The following NSUN6 variants were observed in gnomAD, a reference collection of about 807,000 sequenced individuals.
NSUN6 encodes the protein NOP2/Sun RNA methyltransferase 6, also known as tRNA (cytosine(72)-C(5))-methyltransferase NSUN6.
Under a neutral mutation model 58.0 loss-of-function variants are expected in NSUN6, and 64 were observed. That is an observed-to-expected ratio of 1.10 (90% CI 0.90 to 1.36). The LOEUF is 1.36. Among genes scored for constraint, NSUN6 ranks in the 40% most tolerant of loss-of-function variants. NSUN6 has a pLI of 0.00. For missense variants in NSUN6, 701 were observed against 550.1 expected, an observed-to-expected ratio of 1.27 and a Z score of -2.74; for synonymous variants, 231 against 193.9, an observed-to-expected ratio of 1.19 and a Z score of -1.59.
chr10:18,573,666 G>T (rs888950623), intron 8 of NSUN6, among the ~76,000 whole-genome samples: 6 of 152,140 alleles, frequency 3.9e-5, no homozygotes, highest in African/African-American at 1.4e-4. Flanking sequence ...GAAGGTAACT[G>T]ACTTCTCTAC....
intron 8 of NSUN6, among the ~76,000 whole-genome samples, chr10:18,566,879 C>T (rs1206579411): frequency 2.0e-5 from 3 of 150,446 alleles, no homozygotes; most frequent in Non-Finnish European, 3.0e-5. Context: ...TCCATTCATT[C>T]CATTCTCCAT....
chr10:18,580,820 C>A (rs1257028639), intron 8 of NSUN6, among the ~76,000 whole-genome samples: 1 of 152,190 alleles, frequency 6.6e-6, no homozygotes, highest in Non-Finnish European at 1.5e-5. Flanking sequence ...AGGAGTAACT[C>A]TGTTTGGGTC....
chr10:18,635,375 T>G (rs983556810), intron 3 of NSUN6, among the ~76,000 whole-genome samples: 1 of 152,200 alleles, frequency 6.6e-6, no homozygotes, highest in Non-Finnish European at 1.5e-5. Flanking sequence ...TCACTAAACC[T>G]GAGGGCTGTC....
intron 7 of NSUN6, among the ~76,000 whole-genome samples, chr10:18,590,277 C>A (rs1265323888): frequency 6.6e-6 from 1 of 152,134 alleles, no homozygotes; most frequent in African/African-American, 2.4e-5. Flanking sequence ...TAGAGACCTA[C>A]AAAGAGACTT....
At position 18,651,420 on chromosome 10, in the gene NSUN6, A is replaced by G. The variant is rs1161047312; in HGVS notation, c.-217T>C. The G allele has an allele frequency of 2.4e-6, 3 of 1,243,864 alleles. No homozygotes were observed. Among genetic ancestry groups the G allele is most frequent in the African/African-American group, 1.6e-5 (1 of 64,068 alleles). 77.1% of individuals were successfully genotyped at this position (1,243,864 alleles called of 1,614,324 possible). On this transcript the variant is annotated 5_prime_UTR_variant, in exon 1 of 11. Coordinates refer to ENST00000377304, the MANE Select transcript of NSUN6 (RefSeq NM_182543.5). ...GCCGGGCTTCCACCACACCTCATCG[A>G]GGCAATGTTTTCTGGTAGAGATGCT...
chr10:18,614,631 T>A lies in NSUN6; in HGVS notation c.422-18A>T, dbSNP rs1413024672. 1.6e-6 allele frequency: 2 copies of A among 1,286,250 alleles called. No individual in the cohort carries two copies. Among genetic ancestry groups the A allele is most frequent in the Non-Finnish European group, 1.0e-6 (1 of 957,286 alleles). 79.7% of individuals were successfully genotyped at this position (1,286,250 alleles called of 1,614,324 possible). ...TTTCATAACTAGAGAAAGAAGAAAA[T>A]CAGATTACACTGATTTATACTTTGG... On this transcript the variant is annotated intron_variant, in intron 4 of 10. Transcript: ENST00000377304.
intron 6 of NSUN6, among the ~76,000 whole-genome samples, chr10:18,600,961 C>CACAA (rs1440184919): frequency 2.1e-5 from 1 of 47,814 alleles, no homozygotes; most frequent in Non-Finnish European, 4.1e-5. Context: ...TATATATATA[C>CACAA]ATATATATAT....
intron 1 of NSUN6, among the ~76,000 whole-genome samples, chr10:18,649,549 G>A (rs1016760782): frequency 6.6e-6 from 1 of 151,120 alleles, no homozygotes; most frequent in Non-Finnish European, 1.5e-5. Context: ...GATCACTTGA[G>A]TCCCAGAGGT....
At chr10:18,576,109 G>A (rs1292789113) in intron 8 of NSUN6, among the ~76,000 whole-genome samples, 1 of 152,100 alleles carries the variant, frequency 6.6e-6, no homozygotes, top group Non-Finnish European at 1.5e-5. Context: ...CATAGTCCCA[G>A]GGGAAAACCC....
intron 6 of NSUN6, among the ~76,000 whole-genome samples, chr10:18,604,416 A>G (rs1266103622): frequency 6.6e-6 from 1 of 152,188 alleles, no homozygotes; most frequent in East Asian, 1.9e-4. Context: ...TAGAGACTGA[A>G]GCTTCTCAGA....
intron 8 of NSUN6, among the ~76,000 whole-genome samples, chr10:18,583,258 C>T (rs1054036761): frequency 6.6e-6 from 1 of 152,082 alleles, no homozygotes; most frequent in Non-Finnish European, 1.5e-5. Context: ...CACCTTTTAC[C>T]GTAATTTGCC....
intron 6 of NSUN6, among the ~76,000 whole-genome samples, chr10:18,607,361 T>G (rs761421021): frequency 1.6e-4 from 24 of 152,362 alleles, no homozygotes; most frequent in Middle Eastern, 6.8e-3. Flanking sequence ...CTTCTTAAAC[T>G]TACTCTTCTG....
At chr10:18,555,374 A>T (rs2054918661) in intron 8 of NSUN6, among the ~76,000 whole-genome samples, 1 of 151,340 alleles carries the variant, frequency 6.6e-6, no homozygotes, top group African/African-American at 2.4e-5. Context: ...AATGGAATGG[A>T]GAATGGAATG....
intron 8 of NSUN6, among the ~76,000 whole-genome samples, chr10:18,573,074 C>T (rs1428168001): frequency 6.6e-6 from 1 of 150,894 alleles, no homozygotes; most frequent in Non-Finnish European, 1.5e-5. Context: ...CCATTCCATT[C>T]TCCGTTCCAC....
rs564718031 is a variant in NSUN6 at position 18,548,794 on chromosome 10, C to T, written c.1072-557G>A. 6.6e-5 allele frequency among the ~76,000 whole-genome samples: 10 copies of T among 152,262 alleles called. No homozygotes were observed. The South Asian group carries it at 1.9e-3, about 28-fold the overall frequency. On this transcript the variant is annotated intron_variant, in intron 9 of 10. Coordinates refer to ENST00000377304, the MANE Select transcript of NSUN6 (RefSeq NM_182543.5). The stretch of plus-strand genomic sequence containing the variant: ...TGACATGTCCCAAAATGAACTCCTA[C>T]TTTCCCTCTGAAATCCACTGCAGAA...
intron 8 of NSUN6, among the ~76,000 whole-genome samples, chr10:18,553,889 G>T (rs1200584129): frequency 1.3e-5 from 2 of 149,740 alleles, no homozygotes; most frequent in Non-Finnish European, 1.5e-5. Context: ...AATGCAGAGT[G>T]GAATGAGATG....
chr10:18,600,357 G>C (rs1203714534), intron 6 of NSUN6, among the ~76,000 whole-genome samples: 1 of 152,196 alleles, frequency 6.6e-6, no homozygotes, highest in African/African-American at 2.4e-5. Context: ...GGTTGTGGTG[G>C]CTCATGCCTG....
intron 3 of NSUN6, among the ~76,000 whole-genome samples, chr10:18,624,636 A>C (rs1406117346): frequency 2.8e-5 from 3 of 107,222 alleles, no homozygotes; most frequent in African/African-American, 3.7e-5. Flanking sequence ...AGACAGAGCG[A>C]GACTCTGTCT....
intron 3 of NSUN6, among the ~76,000 whole-genome samples, chr10:18,632,518 C>T (rs2059068763): frequency 6.7e-6 from 1 of 150,188 alleles, no homozygotes; most frequent in African/African-American, 2.5e-5. Context: ...TGACAAAGGG[C>T]TAATATCCAG....
Sources: gnomAD v4.1 joint callset for allele counts (sites outside exome capture counted in the v4.1 genomes callset) on GRCh38, gnomAD v4.1.1 for gene constraint, MANE v1.5 for transcripts, NCBI Gene and HGNC (gene_info 2026-07-23, HGNC 2026-07-21) for gene names.